The following ZNF804B variants were observed in gnomAD, a reference collection of about 807,000 sequenced individuals.
ZNF804B encodes the protein zinc finger protein 804B, also known as zinc finger 804B.
In ZNF804B, 80 loss-of-function variants were observed where a neutral mutation model predicts 101.4. That is an observed-to-expected ratio of 0.79 (90% CI 0.66 to 0.95). The LOEUF is 0.95. Among genes scored for constraint, ZNF804B ranks in the 40% least tolerant of loss-of-function variants. The pLI is 0.00. For synonymous variants in ZNF804B, 622 were observed against 558.8 expected (o/e 1.11, Z -1.59); for missense variants, 1,673 against 1,561.9 (o/e 1.07, Z -1.20).
At chr7:88,848,900 C>T (rs973282385) in intron 1 of ZNF804B, among the ~76,000 whole-genome samples, 3 of 151,968 alleles carry the variant, frequency 2.0e-5, no homozygotes, top group Non-Finnish European at 2.9e-5. Flanking sequence ...TAGAAAAAGT[C>T]CTTGTAAGTT....
chr7:89,221,907 G>T (rs1379814494), intron 2 of ZNF804B, among the ~76,000 whole-genome samples: 3 of 151,894 alleles, frequency 2.0e-5, no homozygotes, highest in Non-Finnish European at 2.9e-5. Context: ...GACACATTTG[G>T]CTTCCACCTT....
chr7:88,787,637 G>C (rs1790321692), intron 1 of ZNF804B, among the ~76,000 whole-genome samples: 1 of 152,070 alleles, frequency 6.6e-6, no homozygotes. Context: ...TTGTTTTATG[G>C]GTTAACACCA....
intron 1 of ZNF804B, among the ~76,000 whole-genome samples, chr7:88,940,838 C>A (rs1274867077): frequency 2.0e-5 from 3 of 147,296 alleles, no homozygotes; most frequent in African/African-American, 5.0e-5. Context: ...GAGAAGAAAA[C>A]CTACATACTG....
intron 2 of ZNF804B, among the ~76,000 whole-genome samples, chr7:89,301,099 G>GTTTTTTT (rs5885673): frequency 2.6e-5 from 2 of 77,682 alleles, no homozygotes; most frequent in East Asian, 4.9e-4. Context: ...TTTCAAGCGT[G>GTTTTTTT]TTTTTTTTTT....
chr7:89,334,161 T>G lies in ZNF804B; in HGVS notation c.1179T>G (p.Ser393Arg), dbSNP rs148373338. The change falls in exon 4 of 4, where the codon AGT becomes AGG. Residue 393 changes from serine to arginine, a missense_variant. Coordinates refer to ENST00000333190, the MANE Select transcript of ZNF804B (RefSeq NM_181646.5). ...ATGAGTTTTCATCACTGGAGCCAAG[T>G]GAACAAAAGAGTACAGTGCATCTGA... The part of the protein sequence containing the change: ...CLDEFSSLEP[S>R]EQKSTVHLNP... 2,395 of 1,613,584 alleles carry G rather than the reference T, an allele frequency of 1.5e-3. 37 individuals are homozygous for G. The African/African-American group carries it at 0.028, about 19-fold the overall frequency.
intron 1 of ZNF804B, among the ~76,000 whole-genome samples, chr7:88,888,371 G>A (rs1340983197): frequency 6.6e-6 from 1 of 152,054 alleles, no homozygotes; most frequent in Non-Finnish European, 1.5e-5. Flanking sequence ...CAGCCTGGGC[G>A]ACAGAGGGAG....
chr7:88,990,599 T>G (rs1193764284), intron 1 of ZNF804B, among the ~76,000 whole-genome samples: 1 of 152,106 alleles, frequency 6.6e-6, no homozygotes, highest in Non-Finnish European at 1.5e-5. Context: ...CTCTACCATA[T>G]TGTATCCCAG....
chr7:88,989,525 C>G (rs906931243), intron 1 of ZNF804B, among the ~76,000 whole-genome samples: 3 of 152,038 alleles, frequency 2.0e-5, no homozygotes, highest in Non-Finnish European at 2.9e-5. Context: ...TCTGGTTGCT[C>G]TAACCAAAGG....
intron 1 of ZNF804B, among the ~76,000 whole-genome samples, chr7:89,149,287 C>T (rs2015523): frequency 0.18 from 27,334 of 151,966 alleles, 2,716 homozygotes; most frequent in African/African-American, 0.26. Context: ...CATGAACTTA[C>T]TTGTCTTGTC....
intron 2 of ZNF804B, among the ~76,000 whole-genome samples, chr7:89,264,527 T>G (rs1789755716): frequency 6.6e-6 from 1 of 152,162 alleles, no homozygotes; most frequent in Admixed American, 6.6e-5. Context: ...CACACCACCC[T>G]TCAATCTCTG....
chr7:89,334,892 A>C lies in ZNF804B; in HGVS notation c.1910A>C (p.His637Pro). 6.2e-7 allele frequency: 1 copy of C among 1,613,840 alleles called. No homozygotes were observed. Among genetic ancestry groups the C allele is most frequent in the Non-Finnish European group, 8.5e-7 (1 of 1,179,876 alleles). The change falls in exon 4 of 4, where the codon CAT becomes CCT. Residue 637 changes from histidine to proline, a missense_variant. His to Pro is a moderately conservative substitution (Grantham distance 77). Coordinates refer to ENST00000333190, the MANE Select transcript of ZNF804B (RefSeq NM_181646.5). ...TCCTACATCTCTAGGTTTAAAAAGC[A>C]TAAATTGATTCCCTGCAGTCCTCAT... ...FPSYISRFKK[H>P]KLIPCSPHLE...
intron 1 of ZNF804B, among the ~76,000 whole-genome samples, chr7:88,877,006 A>ATATATATATATATAT (rs1791949739): frequency 2.4e-5 from 2 of 84,298 alleles, no homozygotes; most frequent in African/African-American, 1.8e-4. Context: ...TTGAAAAAAA[A>ATATATATATATATAT]AATATATATA....
At chr7:88,944,646 T>G (rs1793101169) in intron 1 of ZNF804B, among the ~76,000 whole-genome samples, 1 of 151,794 alleles carries the variant, frequency 6.6e-6, no homozygotes, top group Non-Finnish European at 1.5e-5. Context: ...ATTTACATAG[T>G]ATTTACATAG....
intron 2 of ZNF804B, among the ~76,000 whole-genome samples, chr7:89,225,793 T>C (rs994295044): frequency 1.1e-4 from 16 of 152,200 alleles, no homozygotes; most frequent in Admixed American, 2.6e-4. Context: ...ATGTTCAGAC[T>C]TGACTTTGTG....
rs760377285 is a variant in ZNF804B at position 89,336,087 on chromosome 7, A to G, written c.3105A>G (p.Thr1035=). The change falls in exon 4 of 4, where the codon ACA becomes ACG. Residue 1035 remains threonine, a synonymous_variant. Coordinates refer to ENST00000333190, the MANE Select transcript of ZNF804B (RefSeq NM_181646.5). ...CTAAAGGTATAATTCACCTAGTAAC[A>G]GAGTCTCAGTCACTAAACATAAAAA... ...HLSKGIIHLV[T]ESQSLNIKRD... The G allele has an allele frequency of 2.5e-6, 4 of 1,613,826 alleles. No homozygotes were observed. Among genetic ancestry groups the G allele is most frequent in the South Asian group, 2.2e-5 (2 of 91,088 alleles).
At chr7:89,072,711 A>G (rs1189803014) in intron 1 of ZNF804B, among the ~76,000 whole-genome samples, 2 of 152,184 alleles carry the variant, frequency 1.3e-5, no homozygotes, top group Non-Finnish European at 2.9e-5. Context: ...CAGGAAGACA[A>G]CAGAGAATAA....
intron 2 of ZNF804B, among the ~76,000 whole-genome samples, chr7:89,310,313 GAAACCTTATT>G (rs1236981897): frequency 7.9e-5 from 12 of 152,090 alleles, no homozygotes; most frequent in Admixed American, 2.0e-4. Context: ...AGGAGTAAAA[GAAACCTTATT>G]TGATTAAGCC....
At chr7:88,840,800 C>T (rs76452942) in intron 1 of ZNF804B, among the ~76,000 whole-genome samples, 5,941 of 152,114 alleles carry the variant, frequency 0.039, 405 homozygotes, top group African/African-American at 0.14. Flanking sequence ...AACAAGCTTT[C>T]TTAATGAGTG....
intron 1 of ZNF804B, among the ~76,000 whole-genome samples, chr7:89,059,749 G>A (rs1369360497): frequency 2.6e-5 from 4 of 152,046 alleles, no homozygotes; most frequent in African/African-American, 9.7e-5. Context: ...CTTAATTTTG[G>A]ATGTCAACTT....
Sources: allele counts gnomAD v4.1 joint callset (sites outside exome capture counted in the v4.1 genomes callset), GRCh38; gene constraint gnomAD v4.1.1; transcripts MANE v1.5; gene names NCBI Gene and HGNC (gene_info 2026-07-23, HGNC 2026-07-21).